Variants in IL1RAPL1 observed in about 807,000 individuals in gnomAD.
IL1RAPL1 encodes interleukin 1 receptor accessory protein like 1.
A neutral mutation model predicts 48.4 loss-of-function variants in IL1RAPL1; 3 were observed. That is an observed-to-expected ratio of 0.06 (90% CI 0.03 to 0.16). The LOEUF (loss-of-function observed/expected upper bound fraction) is 0.16. IL1RAPL1 is among the 10% of genes least tolerant of loss of function. The pLI is 1.00. For missense variants in IL1RAPL1, 349 were observed against 530.6 expected (o/e 0.66, Z 3.36); for synonymous variants, 185 against 187.7 (o/e 0.99, Z 0.12).
At chrX:28,721,606 C>G (rs1186014491) in intron 1 of IL1RAPL1, among the ~76,000 whole-genome samples, 1 of 108,037 alleles carries the variant, frequency 9.3e-6, no homozygotes, top group African/African-American at 3.4e-5. Context: ...TAATTAGATC[C>G]CATTTGTCAA....
intron 5 of IL1RAPL1, among the ~76,000 whole-genome samples, chrX:29,659,999 G>A (rs1203521515): frequency 9.0e-6 from 1 of 111,476 alleles, no homozygotes; most frequent in Non-Finnish European, 1.9e-5. Context: ...TCACAATCAG[G>A]CAGAAGTGAA....
intron 5 of IL1RAPL1, among the ~76,000 whole-genome samples, chrX:29,419,139 G>A (rs1404916447): frequency 1.8e-5 from 2 of 111,696 alleles, no homozygotes; most frequent in East Asian, 2.8e-4. Flanking sequence ...CTTTAACCCA[G>A]ATAGTTTGAG....
intron 5 of IL1RAPL1, among the ~76,000 whole-genome samples, chrX:29,506,058 C>T (rs772392343): frequency 9.8e-5 from 11 of 111,791 alleles, no homozygotes; most frequent in Non-Finnish European, 2.1e-4. Context: ...TTTCTCAGTG[C>T]CAGTATTTTT....
rs1183066883 is a variant in IL1RAPL1, at chrX:29,955,940, G to A, written c.*120G>A. 3.5e-5 allele frequency: 20 copies of A among 566,185 alleles called. No individual in the cohort carries two copies. In the East Asian group the frequency reaches 7.0e-4, roughly 20 times the overall value. 46.7% of individuals were successfully genotyped at this position (566,185 alleles called of 1,213,427 possible). On this transcript the variant is annotated 3_prime_UTR_variant, in exon 11 of 11. Coordinates refer to ENST00000378993, the MANE Select transcript of IL1RAPL1 (RefSeq NM_014271.4). ...ATGCATTAGAATCTCTAGAACACGA[G>A]GAAAAACAGGGTCTTGTACATATGT...
chrX:29,847,912 A>C (rs1042304865), intron 6 of IL1RAPL1, among the ~76,000 whole-genome samples: 1 of 111,610 alleles, frequency 9.0e-6, no homozygotes, highest in Non-Finnish European at 1.9e-5. Context: ...AAATTTGTAC[A>C]TTTTGAAGTT....
chrX:29,908,658 T>C (rs1247462800), intron 6 of IL1RAPL1, among the ~76,000 whole-genome samples: 1 of 111,867 alleles, frequency 8.9e-6, no homozygotes, highest in African/African-American at 3.2e-5. Context: ...AATTTTATAT[T>C]TTGGAATACC....
intron 2 of IL1RAPL1, among the ~76,000 whole-genome samples, chrX:29,236,545 C>CTTTTTTT (rs754996544): frequency 2.5e-4 from 16 of 63,172 alleles, no homozygotes; most frequent in African/African-American, 6.0e-4. Context: ...CTTTTTTTTT[C>CTTTTTTT]TTTTTTTTTT....
At chrX:28,723,856 G>A (rs1290165468) in intron 1 of IL1RAPL1, among the ~76,000 whole-genome samples, 2 of 112,031 alleles carry the variant, frequency 1.8e-5, no homozygotes, top group Non-Finnish European at 3.8e-5. Context: ...TATGTACCCA[G>A]TAGTCATTCA....
chrX:29,336,657 T>G (rs1602180776), intron 3 of IL1RAPL1, among the ~76,000 whole-genome samples: 1 of 110,761 alleles, frequency 9.0e-6, no homozygotes, highest in East Asian at 2.8e-4. Context: ...AAAACTGTAT[T>G]TCTGTGCTTA....
intron 5 of IL1RAPL1, among the ~76,000 whole-genome samples, chrX:29,449,780 C>CACACACACAG (rs557765024): frequency 1.7e-5 from 1 of 58,245 alleles, no homozygotes; most frequent in Non-Finnish European, 3.1e-5. Flanking sequence ...CACACACACA[C>CACACACACAG]AGAGAGAGAG....
At chrX:28,670,558 G>T (rs1177625938) in intron 1 of IL1RAPL1, among the ~76,000 whole-genome samples, 1 of 111,857 alleles carries the variant, frequency 8.9e-6, no homozygotes, top group Admixed American at 9.5e-5. Context: ...CAGAACAGGG[G>T]TTGGAATGGT....
intron 5 of IL1RAPL1, among the ~76,000 whole-genome samples, chrX:29,492,915 A>C (rs1472136277): frequency 8.9e-6 from 1 of 111,757 alleles, no homozygotes; most frequent in Non-Finnish European, 1.9e-5. Flanking sequence ...TTATGAAGTC[A>C]AGCATTATAG....
chrX:29,800,201 T>C (rs1382888914), intron 6 of IL1RAPL1, among the ~76,000 whole-genome samples: 2 of 111,207 alleles, frequency 1.8e-5, no homozygotes, highest in Admixed American at 1.9e-4. Context: ...AGGGTCCTGA[T>C]GAACAACTGT....
intron 5 of IL1RAPL1, among the ~76,000 whole-genome samples, chrX:29,587,986 A>G (rs745576518): frequency 6.2e-5 from 7 of 112,427 alleles, no homozygotes; most frequent in Non-Finnish European, 9.4e-5. Flanking sequence ...TTTGGCTCCA[A>G]TTCTACCATA....
At chrX:29,635,160 T>C (rs772684535) in intron 5 of IL1RAPL1, among the ~76,000 whole-genome samples, 1 of 111,325 alleles carries the variant, frequency 9.0e-6, no homozygotes, top group East Asian at 2.8e-4. Context: ...GGGGAAATTA[T>C]CAAATAAGTG....
At chrX:29,565,956 T>TG (rs1445634958) in intron 5 of IL1RAPL1, among the ~76,000 whole-genome samples, 4 of 109,715 alleles carry the variant, frequency 3.6e-5, no homozygotes, top group African/African-American at 9.8e-5. Context: ...TTGTTGTTGT[T>TG]TTTTTTTTTT....
intron 2 of IL1RAPL1, among the ~76,000 whole-genome samples, chrX:29,055,395 C>T (rs953931492): frequency 6.3e-5 from 7 of 111,266 alleles, no homozygotes; most frequent in African/African-American, 2.3e-4. Flanking sequence ...TTCACATTAT[C>T]GTAGGTGTAA....
intron 2 of IL1RAPL1, among the ~76,000 whole-genome samples, chrX:29,255,237 A>G (rs755616122): frequency 9.2e-6 from 1 of 108,250 alleles, no homozygotes; most frequent in South Asian, 4.0e-4. Flanking sequence ...GCAGAATTCT[A>G]TATTTTTCTT....
At chrX:29,535,959 A>G (rs1054157223) in intron 5 of IL1RAPL1, among the ~76,000 whole-genome samples, 3 of 111,875 alleles carry the variant, frequency 2.7e-5, no homozygotes, top group African/African-American at 9.7e-5. Context: ...TGAATAACTA[A>G]ATCAGTGGCT....
Sources: allele counts gnomAD v4.1 joint callset (sites outside exome capture counted in the v4.1 genomes callset), GRCh38; gene constraint gnomAD v4.1.1; transcripts MANE v1.5; gene names NCBI Gene and HGNC (gene_info 2026-07-23, HGNC 2026-07-21).